Variants in DAB1 observed in about 807,000 individuals in gnomAD.
DAB1 encodes DAB adaptor protein 1.
In DAB1, 15 loss-of-function variants were observed where a neutral mutation model predicts 64.6. That is an observed-to-expected ratio of 0.23 (90% confidence interval 0.16 to 0.36). The LOEUF (loss-of-function observed/expected upper bound fraction) is 0.36, where lower values mean the gene tolerates loss of function less well. DAB1 is among the 10% of genes least tolerant of loss of function. The probability of loss-of-function intolerance (pLI) is 1.00; values close to 1 mark genes in which losing one functional copy is unlikely to be tolerated. For synonymous variants in DAB1, 235 were observed against 251.9 expected, an observed-to-expected ratio of 0.93 and a Z score of 0.64; for missense variants, 596 against 706.7, an observed-to-expected ratio of 0.84 and a Z score of 1.78.
intron 4 of DAB1, among the ~76,000 whole-genome samples, chr1:57,084,555 A>C (rs1450987780): frequency 6.6e-6 from 1 of 152,206 alleles, no homozygotes; most frequent in Non-Finnish European, 1.5e-5. Context: ...GGAGTTTGCC[A>C]AGATAAACTG....
At chr1:57,922,875 AAAAGTTTT>A (rs1442042336) in intron 5 of DAB1, among the ~76,000 whole-genome samples, 1 of 147,042 alleles carries the variant, frequency 6.8e-6, no homozygotes, top group African/African-American at 2.5e-5. Flanking sequence ...AAAAGATTTG[AAAAGTTTT>A]AAAGACCCTA....
In DAB1 at chr1:57,352,780, T is replaced by C. The variant is rs185432329; in HGVS notation, c.-136-61614A>G. On this transcript the variant is annotated intron_variant, in intron 1 of 14. Transcript: ENST00000371236. ...ATTTGGAGGGTGTTTTTGGATGAGA[T>C]TGACATTTGAATCAGTAGATTTTGA... 9.6e-4 allele frequency among the ~76,000 whole-genome samples: 146 copies of C among 152,218 alleles called. 2 individuals carry two copies. In the East Asian group the frequency reaches 0.025, roughly 26 times the overall value.
chr1:57,553,508 G>GGAAGGAAGGAAGGAAGGAAGAA (rs1553193809), intron 7 of DAB1, among the ~76,000 whole-genome samples: 1 of 147,604 alleles, frequency 6.8e-6, no homozygotes, highest in African/African-American at 2.5e-5. Flanking sequence ...AAGGAAGGAA[G>GGAAGGAAGGAAGGAAGGAAGAA]AGAGAGAGAG....
intron 5 of DAB1, among the ~76,000 whole-genome samples, chr1:58,147,983 GAAAAA>G (rs58099365): frequency 1.8e-5 from 2 of 113,552 alleles, no homozygotes. Context: ...TATAGCTGGA[GAAAAA>G]AAAAAAAAAA....
chr1:57,433,082 A>T (rs1685573299), intron 7 of DAB1, among the ~76,000 whole-genome samples: 1 of 152,218 alleles, frequency 6.6e-6, no homozygotes, highest in South Asian at 2.1e-4. Context: ...AAATAAATGG[A>T]GAGACATACA....
intron 7 of DAB1, among the ~76,000 whole-genome samples, chr1:57,499,848 G>A (rs891754304): frequency 4.6e-5 from 7 of 152,084 alleles, no homozygotes; most frequent in African/African-American, 9.7e-5. Context: ...TTTTGTTCAC[G>A]TCCACCTACT....
At chr1:57,686,652 C>G (rs1221536450) in intron 6 of DAB1, among the ~76,000 whole-genome samples, 2 of 152,138 alleles carry the variant, frequency 1.3e-5, no homozygotes, top group Non-Finnish European at 2.9e-5. Flanking sequence ...CAAAAATTCT[C>G]AACAATATAC....
chr1:57,213,981 A>G (rs1435856657), intron 2 of DAB1, among the ~76,000 whole-genome samples: 1 of 152,260 alleles, frequency 6.6e-6, no homozygotes, highest in East Asian at 1.9e-4. Flanking sequence ...GGAAGCAGGT[A>G]TACCAAAAGG....
At chr1:57,139,657 T>C (rs1658417322) in intron 3 of DAB1, among the ~76,000 whole-genome samples, 1 of 152,104 alleles carries the variant, frequency 6.6e-6, no homozygotes, top group Non-Finnish European at 1.5e-5. Flanking sequence ...AGTGTCTCCA[T>C]TTCCAAAACA....
intron 6 of DAB1, among the ~76,000 whole-genome samples, chr1:57,701,160 T>G (rs1646903094): frequency 6.6e-6 from 1 of 151,970 alleles, no homozygotes; most frequent in Non-Finnish European, 1.5e-5. Flanking sequence ...TCCTCAGGGA[T>G]CTAGAACTAG....
intron 8 of DAB1, among the ~76,000 whole-genome samples, chr1:57,066,475 T>A (rs1188072566): frequency 6.6e-6 from 1 of 152,172 alleles, no homozygotes; most frequent in Non-Finnish European, 1.5e-5. Flanking sequence ...ATTATTATTA[T>A]TAATATAGCT....
At position 57,107,134 on chromosome 1, in the gene DAB1, G is replaced by C. The variant is rs547783439; in HGVS notation, c.306+29409C>G. 8.0e-4 allele frequency among the ~76,000 whole-genome samples: 121 copies of C among 152,186 alleles called. 1 individual carries two copies. The highest frequency in any genetic ancestry group is 2.8e-3 in the African/African-American group (116 of 41,536). On this transcript the variant is annotated intron_variant, in intron 4 of 14. Coordinates refer to ENST00000371236, the MANE Select transcript of DAB1 (RefSeq NM_001365792.1). ...TCACGCCTGTAATCCCAGCACTTTG[G>C]GGGGCTGAGGCAGGTGGATCACCTG...
At chr1:57,679,168 T>C (rs1403506042) in intron 6 of DAB1, among the ~76,000 whole-genome samples, 1 of 152,194 alleles carries the variant, frequency 6.6e-6, no homozygotes. Context: ...TGGCCAAGTT[T>C]TGAATCTAGA....
chr1:57,211,408 G>A (rs1665995712), intron 2 of DAB1, among the ~76,000 whole-genome samples: 1 of 152,140 alleles, frequency 6.6e-6, no homozygotes, highest in African/African-American at 2.4e-5. Context: ...AAGAAAGTCT[G>A]TTCTCTTCTC....
At chr1:57,530,704 A>C (rs898288781) in intron 7 of DAB1, among the ~76,000 whole-genome samples, 1 of 152,202 alleles carries the variant, frequency 6.6e-6, no homozygotes, top group Non-Finnish European at 1.5e-5. Context: ...TTTTTATCCA[A>C]TGAATGACTT....
chr1:58,113,922 C>A (rs1038239374), intron 5 of DAB1, among the ~76,000 whole-genome samples: 2 of 151,830 alleles, frequency 1.3e-5, no homozygotes, highest in Non-Finnish European at 2.9e-5. Flanking sequence ...GGTGCCCCCC[C>A]AAAGTGAGAG....
intron 1 of DAB1, chr1:58,536,432 C>A: frequency 1.4e-6 from 1 of 694,128 alleles, no homozygotes. Context: ...TAAAAAACAA[C>A]ATATCTTTCA....
At position 57,026,040 on chromosome 1, in the gene DAB1, CA is replaced by C; in HGVS notation, c.726del (p.Val243Ter). Reference sequence around the variant, plus strand: ...TCCCCAAAAAGTTCTAATTGGGTCACAGCCTGTAAAGACAAAAAGGTAATCA... The same window carrying C: ...TCCCCAAAAAGTTCTAATTGGGTCACGCCTGTAAAGACAAAAAGGTAATCA... ...YDVPKSQPVS[A>X]VTQLELFGDM... On this transcript the variant is annotated frameshift_variant and splice_region_variant, in exon 10 of 15. Coordinates refer to ENST00000371236, the MANE Select transcript of DAB1 (RefSeq NM_001365792.1). LOFTEE classifies it high-confidence loss of function. 1 of 1,601,950 alleles carries C rather than the reference CA, an allele frequency of 6.2e-7. No homozygotes were observed. The highest frequency in any genetic ancestry group is 8.5e-7 in the Non-Finnish European group (1 of 1,175,186).
chr1:57,970,631 A>G (rs1334548100), intron 5 of DAB1, among the ~76,000 whole-genome samples: 1 of 152,212 alleles, frequency 6.6e-6, no homozygotes, highest in African/African-American at 2.4e-5. Flanking sequence ...CTTAATCAAC[A>G]TGAATAAGAA....
Sources: allele counts gnomAD v4.1 joint callset (sites outside exome capture counted in the v4.1 genomes callset), GRCh38; gene constraint gnomAD v4.1.1; transcripts MANE v1.5; gene names NCBI Gene and HGNC (gene_info 2026-07-23, HGNC 2026-07-21).